Variants in MAGEA11 observed in about 807,000 individuals in gnomAD.
The protein encoded by MAGEA11 is melanoma-associated antigen 11.
MAGEA11 carries 1 observed loss-of-function variant against 8.4 expected under a neutral mutation model. That is an observed-to-expected ratio of 0.12 (90% CI 0.04 to 0.57). The LOEUF is 0.57. MAGEA11 is among the 20% of genes least tolerant of loss of function. The pLI is 0.91. For missense variants in MAGEA11, 209 were observed against 317.3 expected (o/e 0.66, Z 2.59); for synonymous variants, 127 against 119.3 (o/e 1.06, Z -0.42).
Position 149,713,197 on chromosome X carries a change from G to A in MAGEA11, c.38G>A (p.Ser13Asn). ...TQFRRGGLGC[S>N]PASIKRKKKR... ...TTCCGCAGAGGGGGTCTGGGGTGCA[G>A]CCCTGCCAGCATCAAGAGGAAGAAG... Residue 13 changes from serine to asparagine, a missense_variant, in exon 2 of 5, where the codon AGC becomes AAC. Ser to Asn is a conservative substitution (Grantham distance 46). Coordinates refer to ENST00000355220, the MANE Select transcript of MAGEA11 (RefSeq NM_005366.5). 8.3e-7 allele frequency: 1 copy of A among 1,207,517 alleles called. No homozygotes were observed. The highest frequency in any genetic ancestry group is 1.1e-6 in the Non-Finnish European group (1 of 893,391).
At chrX:149,701,695 T>G (rs1217794305) in intron 1 of MAGEA11, among the ~76,000 whole-genome samples, 1 of 110,617 alleles carries the variant, frequency 9.0e-6, no homozygotes, top group African/African-American at 3.3e-5. Flanking sequence ...TTTTTATGGT[T>G]TTAGGTCTAA....
intron 1 of MAGEA11, among the ~76,000 whole-genome samples, chrX:149,705,360 T>C (rs1456061649): frequency 9.0e-6 from 1 of 111,517 alleles, no homozygotes; most frequent in Non-Finnish European, 1.9e-5. Flanking sequence ...AAAATGAGAG[T>C]TGCCCTGCAC....
chrX:149,714,318 C>A lies in MAGEA11; in HGVS notation c.97-163C>A, dbSNP rs1557362217. 17 of 765,301 alleles carry A rather than the reference C, an allele frequency of 2.2e-5. No homozygotes were observed. In the East Asian group the frequency reaches 3.6e-4, roughly 16 times the overall value. The allele number at this position is 765,301 out of a possible 1,213,427, so 63.1% of individuals were successfully genotyped here. A position where few individuals can be genotyped will look rare whatever the true frequency, so the allele number is the denominator to read the frequency against. On this transcript the variant is annotated intron_variant, in intron 2 of 4. Transcript: ENST00000355220. ...TCTGCTCATCTCAGGGGTTGGGAGT[C>A]AAGGAAGGACAGGCCCTGGCAGAAG...
rs782196387 is a variant in MAGEA11 at position 149,703,318 on chromosome X, T to C, written c.10-11163T>C. Among the ~76,000 whole-genome samples, 3 of 112,732 alleles carry C rather than the reference T, an allele frequency of 2.7e-5. No homozygotes were observed. The South Asian group carries it at 1.1e-3, about 41-fold the overall frequency. ...AAAAACATTTGTGCAAGGAACAATG[T>C]ACTTTTTAAAATAACCATTGAGCCA... is the stretch of plus-strand genomic sequence containing the variant. On this transcript the variant is annotated intron_variant, in intron 1 of 3. Transcript: ENST00000333104.
Position 149,716,906 on chromosome X carries a change from A to C in MAGEA11, c.*130A>C. 1.7e-6 allele frequency: 1 copy of C among 604,989 alleles called. No homozygotes were observed. The highest frequency in any genetic ancestry group is 3.5e-5 in the South Asian group (1 of 28,876). 49.9% of individuals were successfully genotyped at this position (604,989 alleles called of 1,213,427 possible). A position where few individuals can be genotyped will look rare whatever the true frequency, so the allele number is the denominator to read the frequency against. On this transcript the variant is annotated 3_prime_UTR_variant, in exon 5 of 5. Transcript: ENST00000355220. ...CCCTCTGTGTTTGATGAGAGAAGTC[A>C]GTGTTCTCAGTAGTAGAAGGCACAG... is the stretch of plus-strand genomic sequence containing the variant.
At chrX:149,712,013 C>T, upstream of MAGEA11, 1 of 750,831 alleles carries the variant, frequency 1.3e-6, no homozygotes, top group Non-Finnish European at 1.6e-6. Context: ...TTCGCTCCTG[C>T]TGTAAATCCA....
intron 1 of MAGEA11, among the ~76,000 whole-genome samples, chrX:149,693,866 T>C (rs940043879): frequency 3.3e-4 from 37 of 112,427 alleles, no homozygotes; most frequent in African/African-American, 1.1e-3. Context: ...CATATTATTT[T>C]TAAACTTCAT....
intron 1 of MAGEA11, among the ~76,000 whole-genome samples, chrX:149,704,704 T>A (rs146788170): frequency 3.8e-4 from 43 of 112,064 alleles, no homozygotes; most frequent in Non-Finnish European, 5.6e-5. Context: ...CCATTTGACA[T>A]GGATATCAGA....
upstream of MAGEA11, among the ~76,000 whole-genome samples, chrX:149,708,998 A>AC (rs1557361701): frequency 9.9e-5 from 11 of 110,676 alleles, no homozygotes; most frequent in South Asian, 7.7e-4. Context: ...TATAAAAAAA[A>AC]AAAAATGGCC....
At chrX:149,714,171 C>T (rs1181404292) in intron 2 of MAGEA11, 4 of 261,271 alleles carry the variant, frequency 1.5e-5, no homozygotes, top group African/African-American at 5.5e-5. Context: ...GTCTCTCTGT[C>T]CCCTGTCCTT....
At chrX:149,710,813 C>A (rs906600984), upstream of MAGEA11, among the ~76,000 whole-genome samples, 1 of 108,819 alleles carries the variant, frequency 9.2e-6, no homozygotes. Flanking sequence ...CAAAACAACC[C>A]GGGAAAACTA....
rs1189620541 is a variant in MAGEA11, at chrX:149,716,060, C to T, written c.574C>T (p.Leu192=). The change falls in exon 5 of 5, where the codon CTA becomes TTA. Residue 192 remains leucine (L), a synonymous_variant. Coordinates refer to ENST00000355220, the MANE Select transcript of MAGEA11 (RefSeq NM_005366.5). ...PTAMDAIFGS[L]SDEGSGSQEK... is the part of the protein sequence containing the mutation. ...TGCCATGGATGCCATCTTTGGGAGC[C>T]TATCTGATGAGGGCTCTGGCAGCCA... 8.3e-7 allele frequency: 1 copy of T among 1,210,324 alleles called. No homozygotes were observed.
At chrX:149,711,319 A>G (rs782263631), upstream of MAGEA11, among the ~76,000 whole-genome samples, 3 of 112,562 alleles carry the variant, frequency 2.7e-5, no homozygotes, top group East Asian at 8.3e-4. Flanking sequence ...AGTGTTAGAT[A>G]AATTCTAAAC....
chrX:149,701,778 T>C (rs979859853), intron 1 of MAGEA11, among the ~76,000 whole-genome samples: 6 of 111,504 alleles, frequency 5.4e-5, no homozygotes, highest in Admixed American at 4.8e-4. Flanking sequence ...TTCAGCCTTC[T>C]ACATATGGCT....
At chrX:149,701,318 GA>G (rs2090352192) in intron 1 of MAGEA11, among the ~76,000 whole-genome samples, 1 of 107,935 alleles carries the variant, frequency 9.3e-6, no homozygotes, top group African/African-American at 3.4e-5. Flanking sequence ...GATGGCCAGT[GA>G]TGGTGAGCAT....
intron 1 of MAGEA11, 139 bp downstream of exon 1, chrX:149,712,301 A>C: frequency 3.6e-6 from 1 of 274,816 alleles, no homozygotes; most frequent in Middle Eastern, 2.1e-3. Context: ...CTCAATGCCC[A>C]AGGAGACTCT....
intron 1 of MAGEA11, among the ~76,000 whole-genome samples, chrX:149,704,073 C>T (rs1408106182): frequency 8.9e-6 from 1 of 112,463 alleles, no homozygotes; most frequent in Non-Finnish European, 1.9e-5. Context: ...CCATCTTCCA[C>T]TGCTAACTAT....
chrX:149,700,873 T>C (rs1357839646), intron 1 of MAGEA11, among the ~76,000 whole-genome samples: 1 of 105,517 alleles, frequency 9.5e-6, no homozygotes, highest in Non-Finnish European at 1.9e-5. Flanking sequence ...ATTTCATCCA[T>C]GTCCCTACAA....
chrX:149,702,642 A>T (rs1427080896), intron 1 of MAGEA11, among the ~76,000 whole-genome samples: 1 of 111,498 alleles, frequency 9.0e-6, no homozygotes, highest in Non-Finnish European at 1.9e-5. Context: ...CCAATCTCTG[A>T]CTTTAATCGA....
Sources: allele counts gnomAD v4.1 joint callset (sites outside exome capture counted in the v4.1 genomes callset), GRCh38; gene constraint gnomAD v4.1.1; transcripts MANE v1.5; gene names NCBI Gene and HGNC (gene_info 2026-07-23, HGNC 2026-07-21).